NT5DC3: variants seen among roughly 807,000 people sequenced by gnomAD.
NT5DC3 encodes 5'-nucleotidase domain-containing protein 3.
Under a neutral mutation model 67.8 loss-of-function variants are expected in NT5DC3, and 42 were observed. The observed-to-expected ratio is 0.62, with a 90% CI of 0.48 to 0.80. NT5DC3 has a LOEUF of 0.80. NT5DC3 is among the 30% of genes least tolerant of loss of function. The pLI is 0.00. For missense variants in NT5DC3, 570 were observed against 696.4 expected (o/e 0.82, Z 2.04); for synonymous variants, 237 against 255.6 (o/e 0.93, Z 0.69).
chr12:103,806,573 A>G (rs902897333), intron 3 of NT5DC3, among the ~76,000 whole-genome samples, 196 bp from the exon 4 acceptor site: 1 of 152,196 alleles, frequency 6.6e-6, no homozygotes, highest in African/African-American at 2.4e-5. Flanking sequence ...TCTGCAAAAG[A>G]CAGGGGAAAA....
intron 2 of NT5DC3, among the ~76,000 whole-genome samples, chr12:103,810,908 T>C (rs1363264372): frequency 6.6e-6 from 1 of 152,136 alleles, no homozygotes; most frequent in Non-Finnish European, 1.5e-5. Flanking sequence ...CAGTTTAATA[T>C]TTAAAGTAGC....
intron 1 of NT5DC3, chr12:103,821,746 C>T (rs533507271): frequency 1.3e-5 from 2 of 152,346 alleles, no homozygotes; most frequent in African/African-American, 4.8e-5. Flanking sequence ...TTCAGCCACT[C>T]AAACTTCTGA....
At chr12:103,782,443 T>G (rs1368846204) in intron 12 of NT5DC3, among the ~76,000 whole-genome samples, 1 of 152,138 alleles carries the variant, frequency 6.6e-6, no homozygotes, top group Non-Finnish European at 1.5e-5. Flanking sequence ...CCAATAAAGT[T>G]TATTGGGACA....
chr12:103,799,804 C>CAAAAAAAAAAAAA (rs72379630), intron 4 of NT5DC3, among the ~76,000 whole-genome samples: 24 of 131,482 alleles, frequency 1.8e-4, no homozygotes, highest in South Asian at 2.8e-4. Context: ...CTCCACATAC[C>CAAAAAAAAAAAAA]AAAAAAAAAA....
chr12:103,766,467 C>A, downstream of NT5DC3: 1 of 1,059,900 alleles, frequency 9.4e-7, no homozygotes, highest in Admixed American at 2.7e-5. Flanking sequence ...ATCTCTCTGG[C>A]TGATCTGGGG....
the NT5DC3 span, among the ~76,000 whole-genome samples, chr12:103,749,901 G>A: frequency 5.8e-4 from 78 of 135,222 alleles, no homozygotes; most frequent in South Asian, 4.0e-3. Flanking sequence ...GAAAAGTGCC[G>A]AAAAGATGAT....
chr12:103,823,813 A>G (rs559333481), intron 1 of NT5DC3, among the ~76,000 whole-genome samples: 4 of 152,312 alleles, frequency 2.6e-5, no homozygotes, highest in Middle Eastern at 6.8e-3. Flanking sequence ...TAACTCCACT[A>G]CAGGTGAACT....
At chr12:103,796,033 T>C (rs1247299963) in intron 6 of NT5DC3, among the ~76,000 whole-genome samples, 1 of 152,224 alleles carries the variant, frequency 6.6e-6, no homozygotes, top group Non-Finnish European at 1.5e-5. Context: ...AGTGAGGACT[T>C]TGTATATGCT....
the NT5DC3 span, chr12:103,762,128 C>A: frequency 1.7e-5 from 18 of 1,064,110 alleles, no homozygotes; most frequent in African/African-American, 1.6e-4. Context: ...GGGTATTAGA[C>A]CCTGGCAGTA....
chr12:103,750,302 C>T, the NT5DC3 span, among the ~76,000 whole-genome samples: 1 of 152,124 alleles, frequency 6.6e-6, no homozygotes, highest in African/African-American at 2.4e-5. Flanking sequence ...ATAAATCAGG[C>T]CAATGTGATA....
intron 13 of NT5DC3, among the ~76,000 whole-genome samples, chr12:103,778,438 C>A (rs567610566): frequency 1.3e-4 from 20 of 152,098 alleles, no homozygotes; most frequent in African/African-American, 4.3e-4. Context: ...GGCTGAGGCA[C>A]AAGAATCATT....
Position 103,796,977 on chromosome 12 carries a change from T to A in NT5DC3, c.670A>T (p.Met224Leu). ...QFMDIFSLPE[M>L]TLLSCVNEYF... ...TCATTCACGCAGGACAGGAGGGTCA[T>A]CTCGGGCAGGGAGAAGATGTCCATG... Residue 224 changes from methionine (M) to leucine (L), a missense_variant, in exon 6 of 14, where the codon ATG becomes TTG. Around this residue, in one of 2 missense-constraint regions of NT5DC3, gnomAD observed 466 missense variants for 608.0 expected, o/e 0.77. Transcript: ENST00000392876. 1 of 1,614,108 alleles carries A rather than the reference T, an allele frequency of 6.2e-7. No individual in the cohort carries two copies. The highest frequency in any genetic ancestry group is 1.3e-5 in the African/African-American group (1 of 75,032).
the NT5DC3 span, chr12:103,759,130 C>T: frequency 2.5e-6 from 4 of 1,613,722 alleles, no homozygotes; most frequent in African/African-American, 1.3e-5. Flanking sequence ...CCTTTTTTCT[C>T]AGACCTTGTC....
At chr12:103,753,482 T>C in the NT5DC3 span, 1 of 1,247,338 alleles carries the variant, frequency 8.0e-7, no homozygotes, top group Non-Finnish European at 1.1e-6. Flanking sequence ...CCTGGAACAA[T>C]GCTAACAGTC....
At chr12:103,771,147 C>T (rs1467487318), downstream of NT5DC3, 1 of 152,212 alleles carries the variant, frequency 6.6e-6, no homozygotes, top group African/African-American at 2.4e-5. Context: ...ATACGTGTGT[C>T]TATATAATCT....
chr12:103,792,421 A>G (rs1886106377), intron 9 of NT5DC3, among the ~76,000 whole-genome samples: 1 of 152,240 alleles, frequency 6.6e-6, no homozygotes, highest in Non-Finnish European at 1.5e-5. Context: ...CAGCTGCAGA[A>G]TAAACATGGG....
chr12:103,798,802 G>A, intron 4 of NT5DC3, 125 bp from the exon 5 acceptor site: 1 of 645,920 alleles, frequency 1.5e-6, no homozygotes, highest in Non-Finnish European at 2.8e-6. Context: ...GAGGCAAAAT[G>A]TGCCACAAGT....
intron 13 of NT5DC3, among the ~76,000 whole-genome samples, chr12:103,778,797 C>A (rs970924083): frequency 6.6e-6 from 1 of 151,830 alleles, no homozygotes; most frequent in Non-Finnish European, 1.5e-5. Flanking sequence ...CAGAATGAGA[C>A]CCTATCTCAA....
the NT5DC3 span, among the ~76,000 whole-genome samples, chr12:103,753,759 G>A: frequency 6.6e-6 from 1 of 152,354 alleles, no homozygotes; most frequent in African/African-American, 2.4e-5. Flanking sequence ...CAAGGCAGAA[G>A]TGGAGACTGG....
Sources: allele counts gnomAD v4.1 joint callset (sites outside exome capture counted in the v4.1 genomes callset), GRCh38; gene constraint gnomAD v4.1.1; regional missense constraint gnomAD v4.1.1; transcripts MANE v1.5; gene names NCBI Gene and HGNC (gene_info 2026-07-23, HGNC 2026-07-21).